The following SVEP1 variants were observed in gnomAD, a reference collection of about 807,000 sequenced individuals.
SVEP1 encodes the protein sushi, von Willebrand factor type A, EGF and pentraxin domain-containing protein 1.
In SVEP1, 164 loss-of-function variants were observed where a neutral mutation model predicts 367.3. That is an observed-to-expected ratio of 0.45 (90% CI 0.39 to 0.51). The LOEUF (loss-of-function observed/expected upper bound fraction) is 0.51. Among genes scored for constraint, SVEP1 ranks in the 20% least tolerant of loss-of-function variants. The pLI is 0.00. For synonymous variants in SVEP1, 1,666 were observed against 1,611.6 expected, an observed-to-expected ratio of 1.03 and a Z score of -0.81; for missense variants, 4,117 against 4,425.3, an observed-to-expected ratio of 0.93 and a Z score of 1.98.
At chr9:110,512,040 T>C (rs535144400) in intron 5 of SVEP1, among the ~76,000 whole-genome samples, 4 of 152,262 alleles carry the variant, frequency 2.6e-5, no homozygotes, top group African/African-American at 9.6e-5. Context: ...AATCAACAAA[T>C]AATTTTTTAG....
rs1325987373 is a variant in SVEP1 at position 110,411,058 on chromosome 9, C to T, written c.6648+5G>A. On this transcript the variant is annotated splice_donor_5th_base_variant and intron_variant, in intron 37 of 47. Transcript: ENST00000374469. ...CCACAGACCATTTGCTAATTGGTCT[C>T]TTACCTCCAGAAAGCCATTCTCAAC... The T allele has an allele frequency of 7.7e-6, 12 of 1,552,432 alleles. No homozygotes were observed. Among genetic ancestry groups the T allele is most frequent in the Non-Finnish European group, 1.0e-5 (12 of 1,147,910 alleles).
intron 27 of SVEP1, among the ~76,000 whole-genome samples, chr9:110,437,217 C>T (rs1181059773): frequency 2.6e-5 from 4 of 152,116 alleles, no homozygotes; most frequent in African/African-American, 7.2e-5. Context: ...GAACTTGAAA[C>T]TCCTGTATCC....
intron 45 of SVEP1, chr9:110,377,019 A>G (rs1054002165): frequency 2.8e-6 from 1 of 352,218 alleles, no homozygotes; most frequent in Non-Finnish European, 5.2e-6. Flanking sequence ...TCTCAAGAAG[A>G]CTTTTGCAAA....
In SVEP1 at chr9:110,499,099, C is replaced by G; in HGVS notation, c.1623G>C (p.Met541Ile). Residue 541 changes from methionine to isoleucine, a missense_variant, in exon 7 of 48, where the codon ATG (methionine) becomes ATC (isoleucine). Physicochemically the swap from Met to Ile is conservative, Grantham distance 10. Around this residue, in one of 4 missense-constraint regions of SVEP1, gnomAD observed 2,174 missense variants for 2,494.3 expected, o/e 0.87. Transcript: ENST00000374469. Reference protein sequence around the residue: ...QGFILSGVKEMLRCTTSGKWN... With the variant: ...QGFILSGVKEILRCTTSGKWN... Reference sequence around the variant, plus strand: ...ATTTTCCAGAAGTGGTACATCTCAGCATTTCTTTGACTCCAGATAAAATGA... The same window carrying G: ...ATTTTCCAGAAGTGGTACATCTCAGGATTTCTTTGACTCCAGATAAAATGA... The G allele has an allele frequency of 6.2e-7, 1 of 1,613,752 alleles. No individual in the cohort carries two copies. The highest frequency in any genetic ancestry group is 8.5e-7 in the Non-Finnish European group (1 of 1,179,802).
At chr9:110,416,916 C>G (rs1284528777) in intron 36 of SVEP1, among the ~76,000 whole-genome samples, 1 of 152,004 alleles carries the variant, frequency 6.6e-6, no homozygotes, top group African/African-American at 2.4e-5. Context: ...CTATTAGATG[C>G]TAGTAGCATC....
At position 110,550,035 on chromosome 9, in the gene SVEP1, C is replaced by T. The variant is rs373028286; in HGVS notation, c.601G>A (p.Gly201Arg). Residue 201 changes from glycine to arginine, a missense_variant, in exon 2 of 48, where the codon GGG becomes AGG. This residue lies in a region of SVEP1 where 2,174 missense variants were observed against 2,494.3 expected (regional missense o/e 0.87). Coordinates refer to ENST00000374469, the MANE Select transcript of SVEP1 (RefSeq NM_153366.4). ...VFLITDGYSN[G>R]GDPRPIAASL... ...GCTGCAATTGGTCTAGGGTCTCCCC[C>T]ATTGGAATATCCATCAGTGATGAGA... The T allele has an allele frequency of 8.6e-5, 139 of 1,613,898 alleles. No individual in the cohort carries two copies. The highest frequency in any genetic ancestry group is 1.1e-4 in the Non-Finnish European group (128 of 1,179,886).
intron 47 of SVEP1, chr9:110,369,650 CCTCT>C (rs2118934450): frequency 3.1e-6 from 1 of 318,384 alleles, no homozygotes. Flanking sequence ...TCATACTAAT[CCTCT>C]CTGTGAAGTT....
intron 30 of SVEP1, 127 bp downstream of exon 30, chr9:110,434,209 G>T (rs1327535903): frequency 9.2e-7 from 1 of 1,090,630 alleles, no homozygotes; most frequent in African/African-American, 1.6e-5. Context: ...ACAAAGAAAA[G>T]GTTCAATGAA....
intron 9 of SVEP1, among the ~76,000 whole-genome samples, chr9:110,487,387 C>T (rs1357564071): frequency 2.6e-5 from 4 of 152,210 alleles, no homozygotes; most frequent in African/African-American, 9.6e-5. Flanking sequence ...ATTTCCAAGT[C>T]TAAAATCACT....
At chr9:110,383,126 T>C (rs1174265169) in intron 43 of SVEP1, among the ~76,000 whole-genome samples, 1 of 152,234 alleles carries the variant, frequency 6.6e-6, no homozygotes, top group Non-Finnish European at 1.5e-5. Flanking sequence ...ATCATTTGGA[T>C]GAGAAGAGGA....
In SVEP1 at chr9:110,491,208, T is replaced by C. The variant is rs970383132; in HGVS notation, c.1801-1429A>G. On this transcript the variant is annotated intron_variant, in intron 8 of 47. Coordinates refer to ENST00000374469, the MANE Select transcript of SVEP1 (RefSeq NM_153366.4). ...TTTTGATTTCTGATAGAACCAGTTG[T>C]TTCTTATTATTCTTTTCAATACTTT... Among the ~76,000 whole-genome samples, 4 of 151,832 alleles carry C rather than the reference T, an allele frequency of 2.6e-5. No individual in the cohort carries two copies. The East Asian group carries it at 7.7e-4, about 29-fold the overall frequency.
intron 36 of SVEP1, among the ~76,000 whole-genome samples, chr9:110,426,902 T>G (rs376410175): frequency 5.1e-4 from 78 of 152,338 alleles, no homozygotes; most frequent in African/African-American, 1.8e-3. Context: ...CTTTATTATC[T>G]TTTTTCCTCC....
At chr9:110,451,990 G>A (rs1449277265) in intron 22 of SVEP1, among the ~76,000 whole-genome samples, 3 of 152,138 alleles carry the variant, frequency 2.0e-5, no homozygotes, top group African/African-American at 7.2e-5. Flanking sequence ...ACAGAAATGA[G>A]CCTAGAACCA....
chr9:110,384,399 C>A lies in SVEP1; in HGVS notation c.10237+1499G>T, dbSNP rs530697633. ...GAGAGAACCTGGATACCTCAGTTGCCGGTGCAGGATTCACTCACTGTTTTT... is the reference window on the plus strand; with the variant it reads ...GAGAGAACCTGGATACCTCAGTTGCAGGTGCAGGATTCACTCACTGTTTTT... On this transcript the variant is annotated intron_variant, in intron 43 of 47. Coordinates refer to ENST00000374469, the MANE Select transcript of SVEP1 (RefSeq NM_153366.4). Among the ~76,000 whole-genome samples the A allele has an allele frequency of 1.5e-4, 22 of 151,704 alleles. No homozygotes were observed. In the South Asian group the frequency reaches 4.6e-3, roughly 32 times the overall value.
chr9:110,444,756 AAAT>A (rs148432021), intron 26 of SVEP1, among the ~76,000 whole-genome samples: 21,339 of 152,152 alleles, frequency 0.14, 1,915 homozygotes, highest in Admixed American at 0.19. Context: ...GTTTATGAAA[AAAT>A]AATATTTTTG....
chr9:110,524,337 T>G (rs1389679024), intron 3 of SVEP1, among the ~76,000 whole-genome samples: 1 of 152,010 alleles, frequency 6.6e-6, no homozygotes, highest in Admixed American at 6.6e-5. Context: ...GATACCTAAG[T>G]GAGATGCAGA....
chr9:110,411,121 G>C lies in SVEP1; in HGVS notation c.6590C>G (p.Pro2197Arg). ...ACCACAAGATACCGGGTGGCACGTC[G>C]GTATAGGACTACTCCACTGCCCTGT... ...EATGQWSSPI[P>R]TCHPVSCGEP... is the part of the protein sequence containing the mutation. Residue 2197 changes from proline to arginine, a missense_variant, in exon 37 of 48, where the codon CCG (proline) becomes CGG (arginine). By Grantham distance (103) the Pro-to-Arg change is moderately radical. Around this residue, in one of 4 missense-constraint regions of SVEP1, gnomAD observed 1,765 missense variants for 1,781.1 expected, o/e 0.99. Transcript: ENST00000374469. 6.2e-7 allele frequency: 1 copy of C among 1,611,714 alleles called. No individual in the cohort carries two copies. The highest frequency in any genetic ancestry group is 8.5e-7 in the Non-Finnish European group (1 of 1,178,642).
intron 10 of SVEP1, among the ~76,000 whole-genome samples, chr9:110,483,064 T>C (rs1829219256): frequency 6.6e-6 from 1 of 152,226 alleles, no homozygotes; most frequent in South Asian, 2.1e-4. Context: ...AATAGGTAAG[T>C]CTGCTACGAC....
At chr9:110,483,474 T>G in intron 10 of SVEP1, 112 bp downstream of exon 10, 1 of 533,654 alleles carries the variant, frequency 1.9e-6, no homozygotes, top group Non-Finnish European at 3.2e-6. Context: ...AATTATTCAT[T>G]CTCCCTAGAC....
Sources: allele counts gnomAD v4.1 joint callset (sites outside exome capture counted in the v4.1 genomes callset), GRCh38; gene constraint gnomAD v4.1.1; regional missense constraint gnomAD v4.1.1; transcripts MANE v1.5; gene names NCBI Gene and HGNC (gene_info 2026-07-23, HGNC 2026-07-21).